ZNF475: variants seen among roughly 807,000 people sequenced by gnomAD.
ZNF475 encodes the protein zinc finger protein 475.
At chr5:122,161,261 T>C in the ZNF475 span, among the ~76,000 whole-genome samples, 1 of 152,344 alleles carries the variant, frequency 6.6e-6, no homozygotes, top group South Asian at 2.1e-4. Flanking sequence ...AAGTTTCCAG[T>C]ATTCTCAGCC....
At chr5:122,178,414 C>T in the ZNF475 span, among the ~76,000 whole-genome samples, 1 of 152,158 alleles carries the variant, frequency 6.6e-6, no homozygotes, top group Non-Finnish European at 1.5e-5. Context: ...CTGTTGTTTC[C>T]TGACTTTTTA....
the ZNF475 span, among the ~76,000 whole-genome samples, chr5:122,180,393 T>C: frequency 6.6e-6 from 1 of 152,254 alleles, no homozygotes; most frequent in African/African-American, 2.4e-5. Context: ...ACATCTATTT[T>C]AAATGTCCAG....
At chr5:122,170,224 C>A in the ZNF475 span, among the ~76,000 whole-genome samples, 1 of 152,138 alleles carries the variant, frequency 6.6e-6, no homozygotes, top group Non-Finnish European at 1.5e-5. Flanking sequence ...ACAACCAGTT[C>A]TCTAGTTCTC....
chr5:122,161,640 A>G, the ZNF475 span, among the ~76,000 whole-genome samples: 1 of 152,164 alleles, frequency 6.6e-6, no homozygotes, highest in Non-Finnish European at 1.5e-5. Flanking sequence ...CAGGTCAGAG[A>G]GCATTTTTTT....
At chr5:122,168,661 C>T in the ZNF475 span, among the ~76,000 whole-genome samples, 4 of 152,144 alleles carry the variant, frequency 2.6e-5, no homozygotes, top group East Asian at 1.9e-4. Context: ...TGCAGTGAGC[C>T]GAGATCGTGC....
At chr5:122,182,510 T>C in the ZNF475 span, 5 of 1,519,052 alleles carry the variant, frequency 3.3e-6, no homozygotes, top group Non-Finnish European at 3.5e-6. Flanking sequence ...TCTATGATCT[T>C]GATGCTTTAA....
chr5:122,178,392 C>A, the ZNF475 span, among the ~76,000 whole-genome samples: 1 of 152,224 alleles, frequency 6.6e-6, no homozygotes, highest in South Asian at 2.1e-4. Flanking sequence ...TTCTCCACAT[C>A]CTCTCCAGCA....
At chr5:122,174,090 C>T in the ZNF475 span, among the ~76,000 whole-genome samples, 1 of 152,220 alleles carries the variant, frequency 6.6e-6, no homozygotes, top group African/African-American at 2.4e-5. Flanking sequence ...CCACTGCCCT[C>T]CTTACTCTGT....
the ZNF475 span, among the ~76,000 whole-genome samples, chr5:122,166,953 T>G: frequency 6.6e-6 from 1 of 152,232 alleles, no homozygotes. Flanking sequence ...AATTTTGGCT[T>G]TTGTTGCCAT....
At chr5:122,166,355 T>C in the ZNF475 span, among the ~76,000 whole-genome samples, 1 of 152,218 alleles carries the variant, frequency 6.6e-6, no homozygotes, top group Non-Finnish European at 1.5e-5. Flanking sequence ...TCTTTTTTTT[T>C]TTAGTTATAC....
the ZNF475 span, among the ~76,000 whole-genome samples, chr5:122,175,676 A>G: frequency 6.6e-6 from 1 of 152,064 alleles, no homozygotes; most frequent in Non-Finnish European, 1.5e-5. Flanking sequence ...CTTCTCTACA[A>G]ACACCTTTTC....
chr5:122,163,244 A>T, the ZNF475 span: 1 of 152,236 alleles, frequency 6.6e-6, no homozygotes, highest in Non-Finnish European at 1.5e-5. Context: ...CCTGGTTTAT[A>T]AAATAGGGGC....
the ZNF475 span, chr5:122,160,267 C>G: frequency 1.6e-6 from 2 of 1,289,778 alleles, no homozygotes; most frequent in South Asian, 2.5e-5. Flanking sequence ...ACTAAGGTAA[C>G]AGGACCAGTT....
At chr5:122,164,174 A>C in the ZNF475 span, among the ~76,000 whole-genome samples, 1 of 152,126 alleles carries the variant, frequency 6.6e-6, no homozygotes, top group Admixed American at 6.5e-5. Flanking sequence ...TTTATTGGGG[A>C]TATGAGTGAG....
At chr5:122,181,273 G>C in the ZNF475 span, among the ~76,000 whole-genome samples, 12 of 152,088 alleles carry the variant, frequency 7.9e-5, no homozygotes, top group African/African-American at 2.9e-4. Flanking sequence ...CCCTCTTCCT[G>C]ATCTGAAGTC....
chr5:122,168,879 T>C, the ZNF475 span, among the ~76,000 whole-genome samples: 1 of 152,178 alleles, frequency 6.6e-6, no homozygotes, highest in African/African-American at 2.4e-5. Context: ...TGCAGCTCTC[T>C]TATAGAAAGC....
chr5:122,168,853 A>C, the ZNF475 span, among the ~76,000 whole-genome samples: 1 of 151,516 alleles, frequency 6.6e-6, no homozygotes, highest in African/African-American at 2.4e-5. Flanking sequence ...ACAGCATAAC[A>C]CCTTAACTTG....
At chr5:122,177,236 C>G in the ZNF475 span, among the ~76,000 whole-genome samples, 4 of 152,192 alleles carry the variant, frequency 2.6e-5, no homozygotes, top group African/African-American at 7.2e-5. Flanking sequence ...GCAGAGCCTA[C>G]TCCAGATCAA....
At chr5:122,180,672 G>A in the ZNF475 span, among the ~76,000 whole-genome samples, 3 of 152,164 alleles carry the variant, frequency 2.0e-5, no homozygotes, top group Non-Finnish European at 4.4e-5. Context: ...CTATGTAACC[G>A]TAGATTTGCA....
Sources: allele counts gnomAD v4.1 joint callset (sites outside exome capture counted in the v4.1 genomes callset), GRCh38; gene constraint gnomAD v4.1.1; transcripts MANE v1.5; gene names NCBI Gene and HGNC (gene_info 2026-07-23, HGNC 2026-07-21).